The following BMP7 variants were observed in gnomAD, a reference collection of about 807,000 sequenced individuals.
BMP7 encodes the protein osteogenic protein 1.
BMP7 carries 12 observed loss-of-function variants against 41.2 expected under a neutral mutation model. That is an observed-to-expected ratio of 0.29 (90% confidence interval 0.19 to 0.47). The LOEUF (loss-of-function observed/expected upper bound fraction) is 0.47, where lower values mean the gene tolerates loss of function less well. BMP7 is among the 20% of genes least tolerant of loss of function. BMP7 has a pLI of 0.99. For missense variants in BMP7, 467 were observed against 606.0 expected, an observed-to-expected ratio of 0.77 and a Z score of 2.41; for synonymous variants, 248 against 250.0, an observed-to-expected ratio of 0.99 and a Z score of 0.07.
intron 4 of BMP7, among the ~76,000 whole-genome samples, chr20:57,181,155 A>G (rs1984070802): frequency 6.6e-6 from 1 of 151,900 alleles, no homozygotes; most frequent in Admixed American, 6.6e-5. Flanking sequence ...GAAGGCTGCA[A>G]CTCCTGAGCC....
At chr20:57,226,249 A>C (rs1199637282) in intron 2 of BMP7, among the ~76,000 whole-genome samples, 1 of 152,216 alleles carries the variant, frequency 6.6e-6, no homozygotes, top group East Asian at 1.9e-4. Flanking sequence ...GCCGGAGCTG[A>C]GTGGAGAATC....
At chr20:57,211,510 T>C (rs1470172053) in intron 2 of BMP7, among the ~76,000 whole-genome samples, 2 of 152,170 alleles carry the variant, frequency 1.3e-5, no homozygotes, top group African/African-American at 4.8e-5. Context: ...CAGGAAGCTG[T>C]GGGTATGCCA....
intron 1 of BMP7, among the ~76,000 whole-genome samples, chr20:57,257,824 C>CAAAA (rs139904463): frequency 7.2e-4 from 74 of 103,210 alleles, no homozygotes; most frequent in African/African-American, 2.4e-3. Flanking sequence ...CACAAGCCAC[C>CAAAA]AAAAAAAAAA....
intron 1 of BMP7, among the ~76,000 whole-genome samples, chr20:57,247,126 C>A (rs2066093559): frequency 6.6e-6 from 1 of 152,214 alleles, no homozygotes; most frequent in Non-Finnish European, 1.5e-5. Flanking sequence ...CCAGCCCAGG[C>A]ACAAAGGGCC....
chr20:57,193,509 C>T (rs908459467), intron 3 of BMP7, among the ~76,000 whole-genome samples: 5 of 152,220 alleles, frequency 3.3e-5, no homozygotes, highest in African/African-American at 1.2e-4. Context: ...GACCCACTCA[C>T]ATCACTATAA....
intron 2 of BMP7, among the ~76,000 whole-genome samples, chr20:57,207,004 C>T (rs1236760764): frequency 6.6e-6 from 1 of 152,180 alleles, no homozygotes; most frequent in Non-Finnish European, 1.5e-5. Flanking sequence ...TAACAGCCAC[C>T]AACAATTCCT....
At chr20:57,255,266 T>C (rs1257176329) in intron 1 of BMP7, among the ~76,000 whole-genome samples, 1 of 152,182 alleles carries the variant, frequency 6.6e-6, no homozygotes, top group Non-Finnish European at 1.5e-5. Context: ...CTGTGCATGT[T>C]TGGGCCCCTT....
intron 1 of BMP7, among the ~76,000 whole-genome samples, chr20:57,239,187 C>T (rs183229362): frequency 1.3e-5 from 2 of 152,302 alleles, no homozygotes; most frequent in East Asian, 3.9e-4. Flanking sequence ...TAGTTACTTC[C>T]TAGATACAAT....
chr20:57,250,868 T>G (rs1055257082), intron 1 of BMP7, among the ~76,000 whole-genome samples: 9 of 152,148 alleles, frequency 5.9e-5, no homozygotes, highest in African/African-American at 2.2e-4. Context: ...ATACACCCAG[T>G]TTCCTGTTTT....
Position 57,189,420 on chromosome 20 carries a change from C to A in BMP7, c.761-5501G>T, listed in dbSNP as rs374150697. Among the ~76,000 whole-genome samples, 174 of 152,340 alleles carry A rather than the reference C, an allele frequency of 1.1e-3. 5 individuals are homozygous for A. In the South Asian group the frequency reaches 0.023, roughly 20 times the overall value. On this transcript the variant is annotated intron_variant, in intron 3 of 6. Coordinates refer to ENST00000395863, the MANE Select transcript of BMP7 (RefSeq NM_001719.3). ...TGGGGCCTCTTGTTCAAAAGTGATT[C>A]ATCATTTCAAGGTGGGGGCAGCAGA... is the stretch of plus-strand genomic sequence containing the variant.
intron 2 of BMP7, among the ~76,000 whole-genome samples, chr20:57,227,615 C>T (rs2066012485): frequency 6.6e-6 from 1 of 152,180 alleles, no homozygotes; most frequent in African/African-American, 2.4e-5. Context: ...AGTAATAGGA[C>T]CTTGGTCATT....
At chr20:57,219,163 C>CTGTT (rs3975195) in intron 2 of BMP7, among the ~76,000 whole-genome samples, 79,950 of 129,820 alleles carry the variant, frequency 0.62, 25,421 homozygotes, top group African/African-American at 0.78. Flanking sequence ...TCAGTGGTAG[C>CTGTT]TGTTCGGTGG....
intron 6 of BMP7, among the ~76,000 whole-genome samples, chr20:57,172,225 G>T (rs1355645679): frequency 1.3e-5 from 2 of 152,186 alleles, no homozygotes; most frequent in East Asian, 1.9e-4. Context: ...CCAGGGAACA[G>T]GTTGGGGAGG....
At chr20:57,209,464 G>T (rs996332236) in intron 2 of BMP7, among the ~76,000 whole-genome samples, 4 of 151,612 alleles carry the variant, frequency 2.6e-5, no homozygotes, top group Non-Finnish European at 5.9e-5. Context: ...GAAAATAAAA[G>T]AAAGTAGATT....
intron 4 of BMP7, among the ~76,000 whole-genome samples, chr20:57,175,337 T>C (rs1044445499): frequency 6.6e-6 from 1 of 152,180 alleles, no homozygotes; most frequent in African/African-American, 2.4e-5. Context: ...CTGGATTCCA[T>C]AAGGGAATCA....
chr20:57,256,062 G>A (rs1182247889), intron 1 of BMP7, among the ~76,000 whole-genome samples: 1 of 152,162 alleles, frequency 6.6e-6, no homozygotes, highest in Admixed American at 6.5e-5. Context: ...CTTTACAAGT[G>A]GGAATGGAAA....
At chr20:57,237,937 T>C (rs1168851011) in intron 1 of BMP7, among the ~76,000 whole-genome samples, 1 of 152,218 alleles carries the variant, frequency 6.6e-6, no homozygotes, top group South Asian at 2.1e-4. Flanking sequence ...TTTTTAAAAC[T>C]TTTATTTTTA....
chr20:57,216,641 C>A (rs571925418), intron 2 of BMP7, among the ~76,000 whole-genome samples: 41 of 150,838 alleles, frequency 2.7e-4, no homozygotes, highest in Middle Eastern at 3.5e-3. Context: ...GGTGAGGGGG[C>A]TGGGGAATTC....
intron 1 of BMP7, among the ~76,000 whole-genome samples, chr20:57,260,339 T>C (rs1413438201): frequency 6.6e-6 from 1 of 152,152 alleles, no homozygotes; most frequent in African/African-American, 2.4e-5. Context: ...TCTACACACA[T>C]GTCCACCTGC....
Sources: gnomAD v4.1 joint callset for allele counts (sites outside exome capture counted in the v4.1 genomes callset) on GRCh38, gnomAD v4.1.1 for gene constraint, MANE v1.5 for transcripts, NCBI Gene and HGNC (gene_info 2026-07-23, HGNC 2026-07-21) for gene names.